The following ADORA2B variants were observed in gnomAD, a reference collection of about 807,000 sequenced individuals.
The protein encoded by ADORA2B is adenosine A2b receptor.
Under a neutral mutation model 20.8 loss-of-function variants are expected in ADORA2B, and 18 were observed. The observed-to-expected ratio is 0.87, with a 90% CI of 0.60 to 1.29. ADORA2B has a LOEUF of 1.29. Among genes scored for constraint, ADORA2B ranks in the 50% most tolerant of loss-of-function variants. ADORA2B has a pLI of 0.00. For missense variants in ADORA2B, 441 were observed against 422.7 expected (o/e 1.04, Z -0.38); for synonymous variants, 179 against 178.3 (o/e 1.00, Z -0.03).
chr17:15,868,672 T>C, the ADORA2B span, among the ~76,000 whole-genome samples: 16,093 of 128,800 alleles, frequency 0.12, 3,770 homozygotes, highest in African/African-American at 0.42. Context: ...CCCGGCTGCT[T>C]GGGAGGCTGA....
At chr17:15,926,066 G>T in the ADORA2B span, among the ~76,000 whole-genome samples, 1 of 151,966 alleles carries the variant, frequency 6.6e-6, no homozygotes. Context: ...CAAACTTATT[G>T]TTTAAAATAG....
chr17:15,870,145 A>G, the ADORA2B span, among the ~76,000 whole-genome samples: 3 of 148,794 alleles, frequency 2.0e-5, no homozygotes, highest in South Asian at 4.4e-4. Flanking sequence ...GTTGCAACAG[A>G]AATTTTTCAG....
chr17:15,955,604 C>T (rs1969956660), intron 1 of ADORA2B, among the ~76,000 whole-genome samples: 1 of 151,954 alleles, frequency 6.6e-6, no homozygotes, highest in Non-Finnish European at 1.5e-5. Context: ...GACGGGGTTT[C>T]ACCATGTTGG....
At position 15,945,485 on chromosome 17, in the gene ADORA2B, C is replaced by G. The variant is rs750926514; in HGVS notation, c.237C>G (p.Leu79=). 59 of 1,612,806 alleles carry G rather than the reference C, an allele frequency of 3.7e-5. No homozygotes were observed. The Admixed American group carries it at 5.3e-4, about 15-fold the overall frequency. The change falls in exon 1 of 2, where the codon CTC becomes CTG. Residue 79 remains leucine, a synonymous_variant. Transcript: ENST00000304222. ...LGFCTDFYGC[L]FLACFVLVLT... Reference sequence around the variant, plus strand: ...TCTGCACTGACTTCTACGGCTGCCTCTTCCTCGCCTGCTTCGTGCTGGTGC... The same window carrying G: ...TCTGCACTGACTTCTACGGCTGCCTGTTCCTCGCCTGCTTCGTGCTGGTGC...
the ADORA2B span, among the ~76,000 whole-genome samples, chr17:15,860,283 T>C: frequency 4.6e-5 from 7 of 152,068 alleles, no homozygotes; most frequent in African/African-American, 1.7e-4. Flanking sequence ...TTTAATTCAG[T>C]GTCTGAGGGG....
intron 1 of ADORA2B, among the ~76,000 whole-genome samples, chr17:15,949,276 GC>G (rs1359645921): frequency 6.6e-6 from 1 of 152,136 alleles, no homozygotes; most frequent in Non-Finnish European, 1.5e-5. Context: ...GCTTTGGGAG[GC>G]CAAGGCGAAT....
At chr17:15,914,077 G>C in the ADORA2B span, among the ~76,000 whole-genome samples, 1 of 152,196 alleles carries the variant, frequency 6.6e-6, no homozygotes, top group Non-Finnish European at 1.5e-5. Context: ...CCGAATCATG[G>C]GGACATGCAG....
chr17:15,861,576 T>A, the ADORA2B span, among the ~76,000 whole-genome samples: 1 of 151,962 alleles, frequency 6.6e-6, no homozygotes, highest in African/African-American at 2.4e-5. Context: ...TAAGGAGGAG[T>A]CATCAGAAAA....
the ADORA2B span, among the ~76,000 whole-genome samples, chr17:15,938,808 A>G: frequency 2.6e-5 from 4 of 152,230 alleles, no homozygotes; most frequent in Admixed American, 2.6e-4. Context: ...TTGGTTAACA[A>G]TCTGCTTCAC....
intron 1 of ADORA2B, among the ~76,000 whole-genome samples, chr17:15,973,634 T>A (rs1196358284): frequency 6.6e-6 from 1 of 152,188 alleles, no homozygotes; most frequent in African/African-American, 2.4e-5. Flanking sequence ...ACGCAGGGGA[T>A]CTACGCTGTG....
At chr17:15,859,481 T>G in the ADORA2B span, among the ~76,000 whole-genome samples, 1 of 151,650 alleles carries the variant, frequency 6.6e-6, no homozygotes, top group African/African-American at 2.4e-5. Flanking sequence ...GAAGGATTGT[T>G]TTCTTCCGTG....
the ADORA2B span, among the ~76,000 whole-genome samples, chr17:15,893,407 A>T: frequency 5.9e-5 from 9 of 152,290 alleles, no homozygotes; most frequent in East Asian, 1.5e-3. Context: ...AATCTTGTAC[A>T]TAAATTCTAA....
chr17:15,936,014 G>A, the ADORA2B span, among the ~76,000 whole-genome samples: 7 of 151,998 alleles, frequency 4.6e-5, no homozygotes, highest in East Asian at 1.2e-3. Context: ...TTACAGGAGC[G>A]TGCCACCATG....
chr17:15,850,960 C>G, the ADORA2B span, among the ~76,000 whole-genome samples: 1 of 152,148 alleles, frequency 6.6e-6, no homozygotes, highest in Non-Finnish European at 1.5e-5. Context: ...AGAAGCTCAA[C>G]AAATATTTGT....
At chr17:15,957,842 G>A (rs1028838533) in intron 1 of ADORA2B, among the ~76,000 whole-genome samples, 1 of 151,928 alleles carries the variant, frequency 6.6e-6, no homozygotes, top group Non-Finnish European at 1.5e-5. Context: ...CGCCAGTCCC[G>A]CCACCTGCAG....
the ADORA2B span, among the ~76,000 whole-genome samples, chr17:15,929,169 A>G: frequency 6.6e-6 from 1 of 152,116 alleles, no homozygotes; most frequent in Admixed American, 6.6e-5. Flanking sequence ...TTATGATGAC[A>G]CCGTGAGTTG....
At chr17:15,924,375 G>T in the ADORA2B span, among the ~76,000 whole-genome samples, 1 of 152,056 alleles carries the variant, frequency 6.6e-6, no homozygotes, top group East Asian at 1.9e-4. Flanking sequence ...ATGCATTTGG[G>T]ATTTATCTTG....
At chr17:15,960,285 T>TG (rs1970018922) in intron 1 of ADORA2B, among the ~76,000 whole-genome samples, 1 of 116,508 alleles carries the variant, frequency 8.6e-6, no homozygotes, top group Non-Finnish European at 1.8e-5. Flanking sequence ...CCGGGCGCGG[T>TG]GGCTCACGCC....
At chr17:15,943,615 G>A (rs1423550887), upstream of ADORA2B, among the ~76,000 whole-genome samples, 1 of 152,208 alleles carries the variant, frequency 6.6e-6, no homozygotes, top group East Asian at 1.9e-4. Context: ...TTATAGGCGT[G>A]AGCCATGTTG....
Sources: allele counts gnomAD v4.1 joint callset (sites outside exome capture counted in the v4.1 genomes callset), GRCh38; gene constraint gnomAD v4.1.1; transcripts MANE v1.5; gene names NCBI Gene and HGNC (gene_info 2026-07-23, HGNC 2026-07-21).